Variants in NEK10 observed in about 807,000 individuals in gnomAD.
NEK10 encodes the protein NIMA related kinase 10, also known as serine/threonine-protein kinase Nek10.
In NEK10, 122 loss-of-function variants were observed where a neutral mutation model predicts 159.8. The observed-to-expected ratio is 0.76, with a 90% CI of 0.66 to 0.89. NEK10 has a LOEUF of 0.89. Ranked by LOEUF, NEK10 falls within the 40% of genes least tolerant of loss-of-function variation. The pLI is 0.00. For missense variants in NEK10, 1,342 were observed against 1,323.1 expected (o/e 1.01, Z -0.22); for synonymous variants, 466 against 457.1 (o/e 1.02, Z -0.25).
chr3:27,269,762 T>C (rs554062030), intron 22 of NEK10, among the ~76,000 whole-genome samples: 32 of 152,334 alleles, frequency 2.1e-4, no homozygotes, highest in African/African-American at 6.7e-4. Flanking sequence ...GTGTTCTTTA[T>C]TGGGTTATCT....
At position 27,353,034 on chromosome 3, in the gene NEK10, T is replaced by C. The variant is rs991123465; in HGVS notation, c.-37-115A>G. 3 of 603,304 alleles carry C rather than the reference T, an allele frequency of 5.0e-6. No individual in the cohort carries two copies. The African/African-American group carries it at 5.6e-5, about 11-fold the overall frequency. 37.4% of individuals were successfully genotyped at this position (603,304 alleles called of 1,614,324 possible). A position where few individuals can be genotyped will look rare whatever the true frequency, so the allele number is the denominator to read the frequency against. ...CTATTTAAACATGGAAAACCTAGAT[T>C]TAGTTCTAATACAATAATAAAAGTG... On this transcript the variant is annotated intron_variant, in intron 1 of 35. Transcript: ENST00000691995.
intron 30 of NEK10, among the ~76,000 whole-genome samples, chr3:27,151,650 A>T (rs1474584467): frequency 1.3e-5 from 2 of 152,204 alleles, no homozygotes; most frequent in East Asian, 3.8e-4. Flanking sequence ...AGCCAAACCA[A>T]GAAGAAATCC....
rs773565303 is a variant in NEK10 at position 27,297,271 on chromosome 3, G to T, written c.1169-31C>A. The T allele has an allele frequency of 1.8e-5, 27 of 1,469,104 alleles. No individual in the cohort carries two copies. In the South Asian group the frequency reaches 3.1e-4, roughly 17 times the overall value. 91.0% of individuals were successfully genotyped at this position (1,469,104 alleles called of 1,614,324 possible). A position where few individuals can be genotyped will look rare whatever the true frequency, so the allele number is the denominator to read the frequency against. On this transcript the variant is annotated intron_variant, in intron 13 of 35. Transcript: ENST00000691995. ...ATGACAACAATCAAATGCATAGTGT[G>T]CATCATTACAATAAATATACTATCA...
chr3:27,267,907 G>C (rs1458475393), intron 22 of NEK10, among the ~76,000 whole-genome samples: 1 of 152,222 alleles, frequency 6.6e-6, no homozygotes, highest in Non-Finnish European at 1.5e-5. Context: ...CAGCCATGTT[G>C]TAATGGAAAA....
chr3:27,320,121 C>T (rs1028970247), intron 6 of NEK10, among the ~76,000 whole-genome samples: 2 of 152,042 alleles, frequency 1.3e-5, no homozygotes, highest in Non-Finnish European at 2.9e-5. Flanking sequence ...AGGACAGACT[C>T]GGAGATAATT....
In NEK10 at chr3:27,345,516, A is replaced by ATTT. The variant is rs2047489693; in HGVS notation, c.263+569_263+570insAAA. Among the ~76,000 whole-genome samples, 6 of 152,198 alleles carry ATTT rather than the reference A, an allele frequency of 3.9e-5. No individual in the cohort carries two copies. The South Asian group carries it at 1.2e-3, about 31-fold the overall frequency. On this transcript the variant is annotated intron_variant, in intron 4 of 35. Transcript: ENST00000691995. Reference sequence around the variant, plus strand: ...TCATGCCACTCACTATTTACATGGTACTTAGTGCCAAATGACCCAAGCACA... The same window carrying ATTT: ...TCATGCCACTCACTATTTACATGGTATTTCTTAGTGCCAAATGACCCAAGCACA...
At chr3:27,232,365 A>ATATTCCT (rs1953391365) in intron 23 of NEK10, among the ~76,000 whole-genome samples, 1 of 152,056 alleles carries the variant, frequency 6.6e-6, no homozygotes, top group Non-Finnish European at 1.5e-5. Flanking sequence ...AAGGAAGTGA[A>ATATTCCT]TGATCTCTGC....
intron 26 of NEK10, among the ~76,000 whole-genome samples, chr3:27,177,652 A>G (rs1331455594): frequency 5.3e-5 from 8 of 152,092 alleles, no homozygotes; most frequent in Non-Finnish European, 1.2e-4. Flanking sequence ...TATGCCACAC[A>G]TTTTCCCTAC....
intron 1 of NEK10, among the ~76,000 whole-genome samples, chr3:27,355,308 G>T (rs951456175): frequency 3.3e-5 from 5 of 151,974 alleles, no homozygotes; most frequent in African/African-American, 1.2e-4. Context: ...CATACCATCA[G>T]CAATTATAAA....
rs1209278763 is a variant in NEK10, at chr3:27,295,601, C to T, written c.1308+12G>A. ...TAACTTGATACTGAAGGACAAGAGA[C>T]ATGTTTATTACCTGTAATAGATTAC... On this transcript the variant is annotated intron_variant, in intron 15 of 35. Coordinates refer to ENST00000691995, the MANE Select transcript of NEK10 (RefSeq NM_001394966.1). 2 of 1,550,496 alleles carry T rather than the reference C, an allele frequency of 1.3e-6. No homozygotes were observed. Among genetic ancestry groups the T allele is most frequent in the South Asian group, 2.4e-5 (2 of 82,908 alleles).
chr3:27,204,216 C>A (rs1342214238), intron 23 of NEK10, among the ~76,000 whole-genome samples: 5 of 147,864 alleles, frequency 3.4e-5, no homozygotes, highest in African/African-American at 1.2e-4. Context: ...CTCCCCACAG[C>A]CAGCACCTGC....
chr3:27,210,920 C>G (rs544850482), intron 23 of NEK10, among the ~76,000 whole-genome samples: 2 of 152,188 alleles, frequency 1.3e-5, no homozygotes, highest in African/African-American at 2.4e-5. Flanking sequence ...ACTGCTACAA[C>G]TAAAACCAAT....
intron 1 of NEK10, among the ~76,000 whole-genome samples, chr3:27,358,809 T>C (rs2048486841): frequency 6.6e-6 from 1 of 152,176 alleles, no homozygotes; most frequent in Admixed American, 6.6e-5. Context: ...CGCCCACAAA[T>C]CCACAAATAT....
rs181738714 is a variant in NEK10, at chr3:27,222,322, G to A, written c.2091-19765C>T. ...TGAGAGGCAGAGGTGGCAGTGAGCC[G>A]AGATCATGCCACTGCACTCCAGCCT... On this transcript the variant is annotated intron_variant, in intron 23 of 35. Coordinates refer to ENST00000691995, the MANE Select transcript of NEK10 (RefSeq NM_001394966.1). Among the ~76,000 whole-genome samples, 337 of 152,278 alleles carry A rather than the reference G, an allele frequency of 2.2e-3. 3 individuals carry two copies. Among genetic ancestry groups the A allele is most frequent in the Middle Eastern group, 3.4e-3 (1 of 294 alleles).
chr3:27,268,371 G>A (rs888962809), intron 22 of NEK10, among the ~76,000 whole-genome samples: 1 of 152,172 alleles, frequency 6.6e-6, no homozygotes, highest in Non-Finnish European at 1.5e-5. Context: ...AGTTAGGGAG[G>A]AGAAGTCAAT....
intron 23 of NEK10, among the ~76,000 whole-genome samples, chr3:27,203,789 GGAA>G (rs1348378639): frequency 6.6e-6 from 1 of 152,120 alleles, no homozygotes; most frequent in African/African-American, 2.4e-5. Context: ...GTTCTTGAGA[GGAA>G]GAAGAATTCC....
intron 22 of NEK10, among the ~76,000 whole-genome samples, chr3:27,258,086 A>G (rs6773308): frequency 0.47 from 71,369 of 151,840 alleles, 19,917 homozygotes; most frequent in African/African-American, 0.79. Context: ...GTGAGCCTCC[A>G]TGCCCGGCCT....
chr3:27,193,755 C>A (rs779055816), intron 25 of NEK10, among the ~76,000 whole-genome samples: 1 of 151,946 alleles, frequency 6.6e-6, no homozygotes, highest in African/African-American at 2.4e-5. Flanking sequence ...ATATCCTGAG[C>A]CCCTTTTGTA....
chr3:27,210,291 C>A (rs747892313), intron 23 of NEK10, among the ~76,000 whole-genome samples: 1 of 145,544 alleles, frequency 6.9e-6, no homozygotes, highest in Admixed American at 6.7e-5. Context: ...AGGCATCACA[C>A]GGCAAAGGGG....
Sources: gnomAD v4.1 joint callset for allele counts (sites outside exome capture counted in the v4.1 genomes callset) on GRCh38, gnomAD v4.1.1 for gene constraint, MANE v1.5 for transcripts, NCBI Gene and HGNC (gene_info 2026-07-23, HGNC 2026-07-21) for gene names.